The following NLGN4X variants were observed in gnomAD, a reference collection of about 807,000 sequenced individuals.
NLGN4X encodes neuroligin 4 X-linked.
In NLGN4X, 3 loss-of-function variants were observed where a neutral mutation model predicts 40.3. The observed-to-expected ratio is 0.07, with a 90% CI of 0.03 to 0.19. The LOEUF (loss-of-function observed/expected upper bound fraction) is 0.19, where lower values mean the gene tolerates loss of function less well. Ranked by LOEUF, NLGN4X falls within the 10% of genes least tolerant of loss-of-function variation. The pLI, the probability that NLGN4X is intolerant of heterozygous loss-of-function variation, is 1.00. For synonymous variants in NLGN4X, 270 were observed against 306.8 expected (o/e 0.88, Z 1.25); for missense variants, 382 against 708.3 (o/e 0.54, Z 5.23).
At chrX:6,095,130 T>C (rs1168398506) in intron 2 of NLGN4X, among the ~76,000 whole-genome samples, 2 of 106,492 alleles carry the variant, frequency 1.9e-5, no homozygotes, top group African/African-American at 3.5e-5. Flanking sequence ...TGTGTGTGTG[T>C]GTGTGTGTGT....
At chrX:6,226,072 T>C (rs1401815316) in intron 1 of NLGN4X, among the ~76,000 whole-genome samples, 1 of 85,422 alleles carries the variant, frequency 1.2e-5, no homozygotes, top group African/African-American at 4.6e-5. Flanking sequence ...TCCTCTGTCC[T>C]CACTCCCCGC....
intron 2 of NLGN4X, among the ~76,000 whole-genome samples, chrX:6,055,772 T>C (rs1190924096): frequency 3.6e-5 from 4 of 112,055 alleles, no homozygotes; most frequent in Non-Finnish European, 7.5e-5. Flanking sequence ...AGTTAAATTA[T>C]TCAAGTTGTA....
chrX:6,023,695 T>C (rs1322121724), intron 3 of NLGN4X, among the ~76,000 whole-genome samples: 2 of 112,547 alleles, frequency 1.8e-5, no homozygotes, highest in African/African-American at 3.2e-5. Flanking sequence ...GCCAGCCACA[T>C]AGAGGCACAC....
At chrX:5,990,996 T>TC (rs2035667100) in intron 3 of NLGN4X, among the ~76,000 whole-genome samples, 1 of 107,931 alleles carries the variant, frequency 9.3e-6, no homozygotes, top group African/African-American at 3.7e-5. Context: ...CATGCACACC[T>TC]TTTATTTTGA....
At chrX:5,959,398 A>G (rs926256743) in intron 3 of NLGN4X, among the ~76,000 whole-genome samples, 2 of 111,830 alleles carry the variant, frequency 1.8e-5, no homozygotes, top group Admixed American at 9.5e-5. Flanking sequence ...GAATATTTTA[A>G]TGTTATGGGC....
rs780650966 is a variant in NLGN4X at position 5,978,272 on chromosome X, T to TTTTCTTTC, written c.625+51000_625+51007dup. On this transcript the variant is annotated intron_variant, in intron 3 of 5. Transcript: ENST00000381095. ...GAATTAAAAAGACAGGCGTCTCTTT[T>TTTTCTTTC]TTTCTTTCTTTCTTTCTTTCTTTCT... is the stretch of plus-strand genomic sequence containing the variant. Among the ~76,000 whole-genome samples, 106 of 20,325 alleles carry TTTTCTTTC rather than the reference T, an allele frequency of 5.2e-3. 2 individuals carry two copies. The highest frequency in any genetic ancestry group is 0.012 in the South Asian group (3 of 260). 17.6% of individuals were successfully genotyped at this position (20,325 alleles called of 115,157 possible).
chrX:6,200,917 C>T (rs1437835846), intron 1 of NLGN4X, among the ~76,000 whole-genome samples: 2 of 109,391 alleles, frequency 1.8e-5, no homozygotes, highest in Non-Finnish European at 3.8e-5. Flanking sequence ...CCAGGCTGGT[C>T]TCGAACTCCT....
At chrX:6,175,875 T>C (rs774845712) in intron 1 of NLGN4X, among the ~76,000 whole-genome samples, 18 of 110,779 alleles carry the variant, frequency 1.6e-4, no homozygotes, top group Non-Finnish European at 3.2e-4. Flanking sequence ...TATAAGCTTC[T>C]GGACCTCATT....
At chrX:6,032,601 G>C (rs2036896344) in intron 2 of NLGN4X, 1 of 561,443 alleles carries the variant, frequency 1.8e-6, no homozygotes, top group Non-Finnish European at 2.6e-6. Context: ...AATAAGGGGA[G>C]AAAAAACAGA....
At chrX:6,070,651 G>A (rs1238647542) in intron 2 of NLGN4X, among the ~76,000 whole-genome samples, 3 of 111,957 alleles carry the variant, frequency 2.7e-5, no homozygotes. Context: ...GTCCTAGTTT[G>A]TTTTCACACT....
chrX:6,143,170 A>G (rs2039982746), intron 2 of NLGN4X, among the ~76,000 whole-genome samples: 1 of 112,242 alleles, frequency 8.9e-6, no homozygotes, highest in Admixed American at 9.5e-5. Context: ...AGCACTTTAT[A>G]TGGATTAAAA....
At chrX:5,949,740 C>T (rs191536574) in intron 3 of NLGN4X, among the ~76,000 whole-genome samples, 33 of 112,093 alleles carry the variant, frequency 2.9e-4, no homozygotes, top group African/African-American at 9.7e-4. Flanking sequence ...ATTGTTCACA[C>T]ATTAATTCAA....
At chrX:5,987,812 G>A (rs1023839192) in intron 3 of NLGN4X, among the ~76,000 whole-genome samples, 1 of 112,023 alleles carries the variant, frequency 8.9e-6, no homozygotes, top group Non-Finnish European at 1.9e-5. Context: ...CGTGGCTCAC[G>A]CCTGTTCTCC....
At chrX:6,078,871 T>C (rs2038272021) in intron 2 of NLGN4X, among the ~76,000 whole-genome samples, 1 of 110,965 alleles carries the variant, frequency 9.0e-6, no homozygotes, top group African/African-American at 3.3e-5. Context: ...AGGGACCTCA[T>C]GGGGGGTGAT....
intron 2 of NLGN4X, among the ~76,000 whole-genome samples, chrX:6,148,727 G>A (rs2147692025): frequency 9.0e-6 from 1 of 111,288 alleles, no homozygotes; most frequent in Admixed American, 9.6e-5. Context: ...TGTTGGCCAG[G>A]ATGGTCTCGA....
chrX:5,933,152 A>G (rs960544379), intron 3 of NLGN4X, among the ~76,000 whole-genome samples: 3 of 111,966 alleles, frequency 2.7e-5, no homozygotes, highest in Admixed American at 1.9e-4. Flanking sequence ...AAGAGATTCA[A>G]TCATTTTGCT....
chrX:6,188,099 A>G (rs1283662252), intron 1 of NLGN4X, among the ~76,000 whole-genome samples: 1 of 112,271 alleles, frequency 8.9e-6, no homozygotes, highest in Non-Finnish European at 1.9e-5. Context: ...GAGAAAGAAA[A>G]GTTAACAAGA....
At chrX:6,104,274 C>T (rs2038986836) in intron 2 of NLGN4X, among the ~76,000 whole-genome samples, 1 of 112,065 alleles carries the variant, frequency 8.9e-6, no homozygotes, top group African/African-American at 3.2e-5. Flanking sequence ...GAAACTTATG[C>T]TTGTCAAGAG....
At chrX:6,157,359 C>T (rs887055435) in intron 1 of NLGN4X, among the ~76,000 whole-genome samples, 2 of 111,487 alleles carry the variant, frequency 1.8e-5, no homozygotes, top group African/African-American at 3.3e-5. Flanking sequence ...CCAGCCAAGA[C>T]GAATTGGATA....
Sources: gnomAD v4.1 joint callset for allele counts (sites outside exome capture counted in the v4.1 genomes callset) on GRCh38, gnomAD v4.1.1 for gene constraint, MANE v1.5 for transcripts, NCBI Gene and HGNC (gene_info 2026-07-23, HGNC 2026-07-21) for gene names.